Variants in RNLS observed in about 807,000 individuals in gnomAD.
The protein encoded by RNLS is renalase.
RNLS carries 39 observed loss-of-function variants against 39.8 expected under a neutral mutation model. The ratio of observed to expected loss-of-function variants is 0.98; its 90% CI spans 0.76 to 1.28. RNLS has a LOEUF of 1.28. Among genes scored for constraint, RNLS ranks in the 50% most tolerant of loss-of-function variants. The pLI, the probability that RNLS is intolerant of heterozygous loss-of-function variation, is 0.00. For synonymous variants in RNLS, 147 were observed against 150.7 expected (o/e 0.98, Z 0.18); for missense variants, 410 against 413.3 (o/e 0.99, Z 0.07).
At chr10:88,452,324 A>G (rs555220692) in intron 4 of RNLS, among the ~76,000 whole-genome samples, 15 of 152,336 alleles carry the variant, frequency 9.8e-5, no homozygotes, top group African/African-American at 3.6e-4. Flanking sequence ...GTACACTTTG[A>G]AGGCACATTG....
chr10:88,204,296 T>C, the RNLS span, among the ~76,000 whole-genome samples: 1 of 152,148 alleles, frequency 6.6e-6, no homozygotes. Flanking sequence ...TAAGCGTCGT[T>C]CAAATGTCTG....
At chr10:88,525,701 C>G (rs1406153440) in intron 4 of RNLS, among the ~76,000 whole-genome samples, 1 of 152,064 alleles carries the variant, frequency 6.6e-6, no homozygotes, top group African/African-American at 2.4e-5. Context: ...TATTCACCCA[C>G]AAAGGAGAAT....
At chr10:88,564,432 A>G (rs1321671242) in intron 4 of RNLS, among the ~76,000 whole-genome samples, 1 of 152,060 alleles carries the variant, frequency 6.6e-6, no homozygotes, top group Non-Finnish European at 1.5e-5. Context: ...TGAAAATCAG[A>G]GGGTGGGGGG....
At chr10:88,390,371 C>T (rs1852123364) in intron 4 of RNLS, among the ~76,000 whole-genome samples, 1 of 152,158 alleles carries the variant, frequency 6.6e-6, no homozygotes, top group Non-Finnish European at 1.5e-5. Context: ...ATTCGTTCGT[C>T]TGAATGCACT....
At chr10:88,241,343 G>T in the RNLS span, among the ~76,000 whole-genome samples, 1 of 150,518 alleles carries the variant, frequency 6.6e-6, no homozygotes, top group Non-Finnish European at 1.5e-5. Flanking sequence ...CTGGTTATAG[G>T]TTTATTTAAT....
rs1327746897 is a variant in RNLS, at chr10:88,419,202, C to A, written c.527-56477G>T. 3.3e-5 allele frequency among the ~76,000 whole-genome samples: 5 copies of A among 152,200 alleles called. No individual in the cohort carries two copies. In the East Asian group the frequency reaches 9.6e-4, roughly 29 times the overall value. ...CACCCACAGACATACTATCTAAGTG[C>A]AAATGGTGTCCTTGCTGTGCAAATG... On this transcript the variant is annotated intron_variant, in intron 4 of 6. Coordinates refer to ENST00000331772, the MANE Select transcript of RNLS (RefSeq NM_001031709.3).
At chr10:88,345,146 A>C (rs1400208923) in intron 5 of RNLS, among the ~76,000 whole-genome samples, 3 of 152,154 alleles carry the variant, frequency 2.0e-5, no homozygotes, top group African/African-American at 7.2e-5. Context: ...ACATCTGGGC[A>C]AAAAGATGGA....
chr10:88,319,678 GAAGA>G (rs762795152), intron 5 of RNLS, among the ~76,000 whole-genome samples: 9 of 151,872 alleles, frequency 5.9e-5, no homozygotes, highest in Non-Finnish European at 1.0e-4. Flanking sequence ...TAGACAAGCA[GAAGA>G]AAGAATTTCA....
intron 4 of RNLS, among the ~76,000 whole-genome samples, chr10:88,409,352 T>C (rs1342829119): frequency 6.6e-6 from 1 of 152,150 alleles, no homozygotes; most frequent in Non-Finnish European, 1.5e-5. Flanking sequence ...CCTTGTGCTA[T>C]AAGAACAAAG....
chr10:88,419,079 GA>G (rs1247092242), intron 4 of RNLS, among the ~76,000 whole-genome samples: 1 of 152,156 alleles, frequency 6.6e-6, no homozygotes, highest in African/African-American at 2.4e-5. Flanking sequence ...GGGAGGCCTA[GA>G]TTCCTTAGGA....
At chr10:88,482,069 T>G (rs1844214034) in intron 4 of RNLS, among the ~76,000 whole-genome samples, 1 of 152,182 alleles carries the variant, frequency 6.6e-6, no homozygotes, top group Admixed American at 6.6e-5. Flanking sequence ...CTCTTGCTGC[T>G]TTCAAGATTT....
At chr10:88,475,568 A>C (rs1843769109) in intron 4 of RNLS, among the ~76,000 whole-genome samples, 1 of 152,158 alleles carries the variant, frequency 6.6e-6, no homozygotes, top group African/African-American at 2.4e-5. Flanking sequence ...GATTCATTCC[A>C]ATGTCCTTTC....
At chr10:88,326,532 G>A (rs1427989851) in intron 5 of RNLS, among the ~76,000 whole-genome samples, 1 of 152,186 alleles carries the variant, frequency 6.6e-6, no homozygotes, top group African/African-American at 2.4e-5. Flanking sequence ...TCAAGATGTG[G>A]TCTGTGTGCT....
the RNLS span, among the ~76,000 whole-genome samples, chr10:88,173,518 A>G: frequency 6.6e-6 from 1 of 152,174 alleles, no homozygotes; most frequent in African/African-American, 2.4e-5. Context: ...GTTTCTGTGA[A>G]GAATGCCATT....
Position 88,581,692 on chromosome 10 carries a change from A to G in RNLS, c.242T>C (p.Leu81Ser). The change falls in exon 3 of 7, where the codon TTA (leucine) becomes TCA (serine). Residue 81 changes from leucine to serine, a missense_variant. Physicochemically the swap from Leu to Ser is moderately radical, Grantham distance 145 (BLOSUM62 -2). Coordinates refer to ENST00000331772, the MANE Select transcript of RNLS (RefSeq NM_001031709.3). ...KKHQRFYDEL[L>S]AYGVLRPLSS... ...TAGAGGCCTCAAAACGCCATAGGCT[A>G]ACAGTTCATCATAAAAACTGAAATA... is the stretch of plus-strand genomic sequence containing the variant. The G allele has an allele frequency of 6.3e-7, 1 of 1,578,412 alleles. No homozygotes were observed. Among genetic ancestry groups the G allele is most frequent in the Middle Eastern group, 1.7e-4 (1 of 5,930 alleles).
chr10:88,504,970 G>A (rs955112977), intron 4 of RNLS, among the ~76,000 whole-genome samples: 4 of 151,696 alleles, frequency 2.6e-5, no homozygotes, highest in Admixed American at 6.6e-5. Flanking sequence ...GAAGAAACCC[G>A]TGGTGCTGCA....
chr10:88,569,310 C>G (rs192114823), intron 4 of RNLS, among the ~76,000 whole-genome samples: 15 of 113,272 alleles, frequency 1.3e-4, no homozygotes, highest in Admixed American at 1.2e-3. Flanking sequence ...ATTTAAAAAC[C>G]AAGATGTCAC....
chr10:88,493,836 T>C (rs1014959909), intron 4 of RNLS, among the ~76,000 whole-genome samples: 2 of 152,184 alleles, frequency 1.3e-5, no homozygotes, highest in Non-Finnish European at 2.9e-5. Flanking sequence ...CATCTGTCAG[T>C]GGTGCTTTCT....
At chr10:88,545,225 G>C (rs549069259) in intron 4 of RNLS, among the ~76,000 whole-genome samples, 2 of 152,032 alleles carry the variant, frequency 1.3e-5, no homozygotes, top group African/African-American at 4.8e-5. Context: ...ATCTTATCTT[G>C]GAAGTTTTAT....
Sources: gnomAD v4.1 joint callset for allele counts (sites outside exome capture counted in the v4.1 genomes callset) on GRCh38, gnomAD v4.1.1 for gene constraint, MANE v1.5 for transcripts, NCBI Gene and HGNC (gene_info 2026-07-23, HGNC 2026-07-21) for gene names.